The following DNAH6 variants were observed in gnomAD, a reference collection of about 807,000 sequenced individuals.
The protein encoded by DNAH6 is axonemal beta dynein heavy chain 6.
In DNAH6, 340 loss-of-function variants were observed where a neutral mutation model predicts 491.4. That is an observed-to-expected ratio of 0.69 (90% CI 0.63 to 0.76). The LOEUF (loss-of-function observed/expected upper bound fraction) is 0.76. Ranked by LOEUF, DNAH6 falls within the 30% of genes least tolerant of loss-of-function variation. The probability of loss-of-function intolerance (pLI) is 0.00; values close to 1 mark genes in which losing one functional copy is unlikely to be tolerated. For synonymous variants in DNAH6, 1,603 were observed against 1,686.1 expected (o/e 0.95, Z 1.21); for missense variants, 4,443 against 4,972.2 (o/e 0.89, Z 3.20).
At chr2:84,786,771 T>A (rs1677243762) in intron 67 of DNAH6, among the ~76,000 whole-genome samples, 1 of 152,174 alleles carries the variant, frequency 6.6e-6, no homozygotes, top group Non-Finnish European at 1.5e-5. Flanking sequence ...ATGGACAGAC[T>A]CCTTAAAACA....
intron 62 of DNAH6, among the ~76,000 whole-genome samples, chr2:84,737,717 AT>A (rs1317740634): frequency 7.3e-5 from 11 of 151,450 alleles, no homozygotes; most frequent in South Asian, 4.2e-4. Flanking sequence ...GATCTTCTGT[AT>A]TTTTTTCCTT....
At chr2:84,558,065 T>C (rs1680243882) in intron 11 of DNAH6, 130 bp downstream of exon 11, 1 of 557,750 alleles carries the variant, frequency 1.8e-6, no homozygotes, top group Non-Finnish European at 2.9e-6. Flanking sequence ...AATCTCTAAA[T>C]GGTAAAATTT....
At chr2:84,460,502 A>T in the DNAH6 span, among the ~76,000 whole-genome samples, 3 of 152,236 alleles carry the variant, frequency 2.0e-5, no homozygotes, top group African/African-American at 7.2e-5. Flanking sequence ...AGTTTCATTT[A>T]ATTGATAAAA....
At chr2:84,722,941 G>T (rs1698301461) in intron 60 of DNAH6, 137 bp downstream of exon 60, 3 of 570,002 alleles carry the variant, frequency 5.3e-6, no homozygotes, top group Non-Finnish European at 8.5e-6. Context: ...TTCAAGAGTG[G>T]TTCCAGCCAG....
Position 84,584,189 on chromosome 2 carries a change from A to G in DNAH6, c.2420A>G (p.His807Arg), listed in dbSNP as rs933785851. The G allele has an allele frequency of 6.2e-7, 1 of 1,614,194 alleles. No individual in the cohort carries two copies. Among genetic ancestry groups the G allele is most frequent in the Non-Finnish European group, 8.5e-7 (1 of 1,180,034 alleles). The change falls in exon 15 of 77, where the codon CAT (histidine) becomes CGT (arginine). Residue 807 changes from histidine (H) to arginine (R), a missense_variant. By Grantham distance (29) the His-to-Arg change is conservative. Transcript: ENST00000389394. Reference protein sequence around the residue: ...RESSIKQFCVHLGSDLEELNN... With the variant: ...RESSIKQFCVRLGSDLEELNN... ...TCAAGCATTAAGCAATTTTGTGTGC[A>G]TTTGGGTAGTGATCTTGAAGAATTA...
chr2:84,785,864 C>G (rs1262164983), intron 67 of DNAH6, 108 bp downstream of exon 67: 2 of 1,174,734 alleles, frequency 1.7e-6, no homozygotes, highest in Non-Finnish European at 2.3e-6. Flanking sequence ...ATGCTGAAGG[C>G]CCCATTCTGT....
chr2:84,504,318 A>T, the DNAH6 span, among the ~76,000 whole-genome samples: 1 of 151,916 alleles, frequency 6.6e-6, no homozygotes, highest in Admixed American at 6.6e-5. Context: ...TCTCTCTGTT[A>T]TCTTGAATTT....
chr2:84,727,289 A>T (rs928264373), intron 60 of DNAH6, among the ~76,000 whole-genome samples: 1 of 152,126 alleles, frequency 6.6e-6, no homozygotes, highest in African/African-American at 2.4e-5. Flanking sequence ...GGGAGTGTAG[A>T]AAACAAATAT....
intron 58 of DNAH6, among the ~76,000 whole-genome samples, chr2:84,717,786 G>T (rs530920065): frequency 5.9e-5 from 9 of 152,318 alleles, no homozygotes; most frequent in Non-Finnish European, 1.2e-4. Flanking sequence ...ATTTCATGGA[G>T]GTGGTGTGAT....
chr2:84,784,138 C>A (rs1190488967), intron 65 of DNAH6, among the ~76,000 whole-genome samples: 1 of 152,202 alleles, frequency 6.6e-6, no homozygotes, highest in Non-Finnish European at 1.5e-5. Flanking sequence ...TCCAACTTTA[C>A]TTTGGCCTTT....
chr2:84,808,129 ATATGTGTGTG>A (rs1379664583), intron 71 of DNAH6, among the ~76,000 whole-genome samples: 51 of 122,150 alleles, frequency 4.2e-4, no homozygotes, highest in African/African-American at 1.5e-3. Context: ...AAGTGTATAT[ATATGTGTGTG>A]TGTGTGTGTG....
intron 18 of DNAH6, among the ~76,000 whole-genome samples, chr2:84,602,972 T>TTACA: frequency 6.6e-6 from 1 of 152,174 alleles, no homozygotes; most frequent in East Asian, 1.9e-4. Flanking sequence ...TGTAATTGTA[T>TTACA]TTTCCACCTC....
intron 68 of DNAH6, among the ~76,000 whole-genome samples, chr2:84,795,630 A>T (rs1028065943): frequency 2.0e-5 from 3 of 152,224 alleles, no homozygotes; most frequent in African/African-American, 7.2e-5. Context: ...ACAGTGGTGA[A>T]TGGTGAATTG....
intron 58 of DNAH6, among the ~76,000 whole-genome samples, chr2:84,716,789 A>G (rs1280424509): frequency 6.6e-6 from 1 of 152,160 alleles, no homozygotes; most frequent in African/African-American, 2.4e-5. Context: ...GGACTCAGTC[A>G]TGGTGTGCAG....
At chr2:84,532,738 T>G (rs972428830) in intron 4 of DNAH6, among the ~76,000 whole-genome samples, 1 of 152,088 alleles carries the variant, frequency 6.6e-6, no homozygotes, top group Non-Finnish European at 1.5e-5. Context: ...AAGGTGAAAT[T>G]GAGATCTAAA....
intron 60 of DNAH6, 138 bp downstream of exon 60, chr2:84,722,942 T>C: frequency 1.8e-6 from 1 of 570,228 alleles, no homozygotes; most frequent in Non-Finnish European, 2.8e-6. Flanking sequence ...TCAAGAGTGG[T>C]TCCAGCCAGG....
intron 62 of DNAH6, among the ~76,000 whole-genome samples, chr2:84,739,621 G>T (rs1046092323): frequency 2.6e-5 from 4 of 152,058 alleles, no homozygotes; most frequent in African/African-American, 9.7e-5. Flanking sequence ...TCTTTCTTTT[G>T]CCTGGTCTAG....
At chr2:84,460,312 C>T in the DNAH6 span, among the ~76,000 whole-genome samples, 1 of 152,170 alleles carries the variant, frequency 6.6e-6, no homozygotes, top group Admixed American at 6.5e-5. Context: ...CAAATAAACT[C>T]CTCCCTCATG....
chr2:84,697,883 T>A lies in DNAH6; in HGVS notation c.7677+156T>A, dbSNP rs188000895. The A allele has an allele frequency of 8.6e-4, 681 of 791,096 alleles. 2 individuals carry two copies. In the African/African-American group the frequency reaches 1.0e-2, roughly 12 times the overall value. The allele number at this position is 791,096 out of a possible 1,614,324, so 49.0% of individuals were successfully genotyped here. A position where few individuals can be genotyped will look rare whatever the true frequency, so the allele number is the denominator to read the frequency against. On this transcript the variant is annotated intron_variant, in intron 47 of 76. Transcript: ENST00000389394. Reference sequence around the variant, plus strand: ...TTCGATGTATTTTATTTTCGGTGTTTAAAGCATTGGGTCACCAGACTTCCA... The same window carrying A: ...TTCGATGTATTTTATTTTCGGTGTTAAAAGCATTGGGTCACCAGACTTCCA...
Sources: allele counts gnomAD v4.1 joint callset (sites outside exome capture counted in the v4.1 genomes callset), GRCh38; gene constraint gnomAD v4.1.1; transcripts MANE v1.5; gene names NCBI Gene and HGNC (gene_info 2026-07-23, HGNC 2026-07-21).